The following UBE2L6 variants were observed in gnomAD, a reference collection of about 807,000 sequenced individuals.
UBE2L6 encodes the protein ubiquitin conjugating enzyme E2 L6, also known as ubiquitin/ISG15-conjugating enzyme E2 L6.
A neutral mutation model predicts 13.6 loss-of-function variants in UBE2L6; 11 were observed. The ratio of observed to expected loss-of-function variants is 0.81; its 90% CI spans 0.51 to 1.34. UBE2L6 has a LOEUF of 1.34. Among genes scored for constraint, UBE2L6 ranks in the 40% most tolerant of loss-of-function variants. The pLI is 0.00. For missense variants in UBE2L6, 197 were observed against 199.5 expected, an observed-to-expected ratio of 0.99 and a Z score of 0.07; for synonymous variants, 74 against 83.2, an observed-to-expected ratio of 0.89 and a Z score of 0.60.
At position 57,554,545 on chromosome 11, in the gene UBE2L6, T is replaced by C; in HGVS notation, c.202A>G (p.Ile68Val). The C allele has an allele frequency of 6.2e-7, 1 of 1,613,554 alleles. No individual in the cohort carries two copies. Among genetic ancestry groups the C allele is most frequent in the Non-Finnish European group, 8.5e-7 (1 of 1,179,880 alleles). Residue 68 changes from isoleucine to valine, a missense_variant, in exon 3 of 4, where the codon ATC becomes GTC. Transcript: ENST00000287156. ...PPEYPFKPPM[I>V]KFTTKIYHPN... ...TGGTAGATCTTGGTTGTGAATTTGA[T>C]CATGGGAGGCTTGAACGGATACTCC...
chr11:57,562,905 A>G (rs1379353436), intron 1 of UBE2L6, among the ~76,000 whole-genome samples: 2 of 152,186 alleles, frequency 1.3e-5, no homozygotes, highest in South Asian at 2.1e-4. Flanking sequence ...TACAAAGACT[A>G]TAATAAATAC....
At chr11:57,566,836 C>T (rs1051464488) in intron 1 of UBE2L6, among the ~76,000 whole-genome samples, 2 of 152,080 alleles carry the variant, frequency 1.3e-5, no homozygotes, top group Non-Finnish European at 2.9e-5. Context: ...CTGGGTTTTC[C>T]CACCTTCTGG....
At chr11:57,557,273 C>T (rs776262063) in intron 2 of UBE2L6, among the ~76,000 whole-genome samples, 7 of 151,750 alleles carry the variant, frequency 4.6e-5, no homozygotes, top group African/African-American at 7.3e-5. Flanking sequence ...GGCACCTGCT[C>T]GCTCTCTCTC....
At chr11:57,564,968 C>T (rs945444623) in intron 1 of UBE2L6, among the ~76,000 whole-genome samples, 1 of 151,888 alleles carries the variant, frequency 6.6e-6, no homozygotes, top group African/African-American at 2.4e-5. Flanking sequence ...TAGAAATGGC[C>T]GGGCACAGTG....
intron 3 of UBE2L6, among the ~76,000 whole-genome samples, chr11:57,553,104 C>T (rs970365026): frequency 2.0e-5 from 3 of 152,238 alleles, no homozygotes; most frequent in Non-Finnish European, 2.9e-5. Flanking sequence ...TGAGCTGGTC[C>T]AGGTGGAGGA....
chr11:57,560,448 G>T lies in UBE2L6; in HGVS notation c.28-16C>A. 1 of 1,594,834 alleles carries T rather than the reference G, an allele frequency of 6.3e-7. No homozygotes were observed. The highest frequency in any genetic ancestry group is 8.6e-7 in the Non-Finnish European group (1 of 1,163,712). ...CCTCCAGCTCCTGCAGGGGACACAA[G>T]TGAGTGGGCAGTTGGCCTAGTCCTC... On this transcript the variant is annotated splice_polypyrimidine_tract_variant and intron_variant, in intron 1 of 3. Transcript: ENST00000287156.
In UBE2L6 at chr11:57,567,586, T is replaced by G. The variant is rs1945103046; in HGVS notation, c.26A>C (p.Lys9Thr). 4.4e-6 allele frequency: 7 copies of G among 1,607,828 alleles called. No individual in the cohort carries two copies. Among genetic ancestry groups the G allele is most frequent in the East Asian group, 4.5e-5 (2 of 44,700 alleles). Residue 9 changes from lysine to threonine, a missense_variant and splice_region_variant, in exon 1 of 4, where the codon AAG (lysine) becomes ACG (threonine). Lys to Thr is a moderately conservative substitution (Grantham distance 78). Transcript: ENST00000287156. ...AGGGGTCATCCTATACGCGGTTACC[T>G]TCACCACTCGCATGCTCGCCATCAT... is the stretch of plus-strand genomic sequence containing the variant. MMASMRVV[K>T]ELEDLQKKPP...
intron 1 of UBE2L6, chr11:57,567,043 G>A (rs1307113535): frequency 2.2e-6 from 1 of 448,908 alleles, no homozygotes; most frequent in Non-Finnish European, 4.4e-6. Flanking sequence ...AGGCCTTCCA[G>A]GTCCACCTCC....
chr11:57,567,464 C>T (rs1408527053), intron 1 of UBE2L6, 121 bp downstream of exon 1: 4 of 1,398,694 alleles, frequency 2.9e-6, no homozygotes, highest in Non-Finnish European at 4.0e-6. Flanking sequence ...GGGATTCAGC[C>T]AGCCCTGGTG....
intron 2 of UBE2L6, among the ~76,000 whole-genome samples, chr11:57,557,925 C>T (rs1224364821): frequency 6.6e-6 from 1 of 152,154 alleles, no homozygotes; most frequent in East Asian, 1.9e-4. Context: ...CTGCCTCGGG[C>T]TTGCTGTATG....
At chr11:57,565,354 T>C (rs12800733) in intron 1 of UBE2L6, among the ~76,000 whole-genome samples, 4 of 102,418 alleles carry the variant, frequency 3.9e-5, no homozygotes, top group African/African-American at 1.5e-4. Flanking sequence ...TTTGTATTAG[T>C]TGTTTTTTTT....
intron 2 of UBE2L6, among the ~76,000 whole-genome samples, chr11:57,556,989 G>A (rs1037511487): frequency 1.3e-5 from 2 of 151,882 alleles, no homozygotes; most frequent in Non-Finnish European, 2.9e-5. Flanking sequence ...AGGAGGCTGA[G>A]GCATGAGAAT....
chr11:57,552,397 T>C lies in UBE2L6; in HGVS notation c.423A>G (p.Glu141=). ...CCACTCCGAATCGGAGGGTGAACTC[T>C]TCGGCATTCTTTCTGAACAGCTCCG... is the stretch of plus-strand genomic sequence containing the variant. The part of the protein sequence containing the change: ...QNPELFRKNA[E]EFTLRFGVDR... Residue 141 remains glutamate (E), a synonymous_variant, in exon 4 of 4, where the codon GAA becomes GAG. Coordinates refer to ENST00000287156, the MANE Select transcript of UBE2L6 (RefSeq NM_004223.5). The C allele has an allele frequency of 6.2e-7, 1 of 1,614,214 alleles. No homozygotes were observed. Among genetic ancestry groups the C allele is most frequent in the Non-Finnish European group, 8.5e-7 (1 of 1,180,032 alleles).
chr11:57,559,154 G>C (rs1945019065), intron 2 of UBE2L6, among the ~76,000 whole-genome samples: 1 of 152,194 alleles, frequency 6.6e-6, no homozygotes, highest in Non-Finnish European at 1.5e-5. Context: ...CCTAGAACAG[G>C]TGTCCTCACT....
chr11:57,562,431 G>A (rs1945054340), intron 1 of UBE2L6, among the ~76,000 whole-genome samples: 1 of 152,242 alleles, frequency 6.6e-6, no homozygotes, highest in Non-Finnish European at 1.5e-5. Context: ...ACACAAGCCT[G>A]GCTGGCTTCA....
At chr11:57,561,992 T>C (rs1048931531) in intron 1 of UBE2L6, among the ~76,000 whole-genome samples, 2 of 152,326 alleles carry the variant, frequency 1.3e-5, no homozygotes, top group African/African-American at 2.4e-5. Flanking sequence ...TCTGGGAACA[T>C]TGTTCCGTTG....
intron 1 of UBE2L6, chr11:57,566,955 C>T (rs1171304065): frequency 5.2e-5 from 11 of 211,382 alleles, no homozygotes; most frequent in South Asian, 9.6e-5. Flanking sequence ...CCGCCCCCCC[C>T]CCCCTCCTAG....
At chr11:57,557,897 C>T (rs921144553) in intron 2 of UBE2L6, among the ~76,000 whole-genome samples, 3 of 152,130 alleles carry the variant, frequency 2.0e-5, no homozygotes, top group Non-Finnish European at 4.4e-5. Flanking sequence ...CTGAGAGCTC[C>T]GGGGACCTGT....
At chr11:57,559,749 A>G (rs1945024435) in intron 2 of UBE2L6, among the ~76,000 whole-genome samples, 1 of 152,068 alleles carries the variant, frequency 6.6e-6, no homozygotes, top group Non-Finnish European at 1.5e-5. Context: ...TTCTCAAAGT[A>G]TCTTTAGTCA....
Sources: gnomAD v4.1 joint callset for allele counts (sites outside exome capture counted in the v4.1 genomes callset) on GRCh38, gnomAD v4.1.1 for gene constraint, MANE v1.5 for transcripts, NCBI Gene and HGNC (gene_info 2026-07-23, HGNC 2026-07-21) for gene names.